Variants in MACROD2 observed in about 807,000 individuals in gnomAD.
MACROD2 encodes ADP-ribose glycohydrolase MACROD2.
In MACROD2, 36 loss-of-function variants were observed where a neutral mutation model predicts 70.4. The ratio of observed to expected loss-of-function variants is 0.51; its 90% CI spans 0.39 to 0.68. The LOEUF is 0.68. Ranked by LOEUF, MACROD2 falls within the 30% of genes least tolerant of loss-of-function variation. MACROD2 has a pLI of 0.00. For missense variants in MACROD2, 496 were observed against 538.4 expected, an observed-to-expected ratio of 0.92 and a Z score of 0.78; for synonymous variants, 172 against 178.8, an observed-to-expected ratio of 0.96 and a Z score of 0.30.
At chr20:14,929,975 C>G (rs1002855303) in intron 5 of MACROD2, among the ~76,000 whole-genome samples, 15 of 152,068 alleles carry the variant, frequency 9.9e-5, no homozygotes, top group Non-Finnish European at 2.2e-4. Flanking sequence ...TCCTGGCTAA[C>G]ACGGTGAAAC....
At chr20:15,891,675 A>G (rs1268502093) in intron 10 of MACROD2, among the ~76,000 whole-genome samples, 1 of 152,220 alleles carries the variant, frequency 6.6e-6, no homozygotes, top group African/African-American at 2.4e-5. Context: ...GTAAATGAAG[A>G]AAAATATTGA....
intron 5 of MACROD2, among the ~76,000 whole-genome samples, chr20:15,227,823 GTTTTT>G (rs59129207): frequency 0.029 from 1,319 of 46,008 alleles, 15 homozygotes; most frequent in Non-Finnish European, 0.037. Flanking sequence ...AATTTCACCT[GTTTTT>G]TTTTTTTTTT....
chr20:14,232,737 T>C (rs1358031981), intron 3 of MACROD2, among the ~76,000 whole-genome samples: 1 of 152,260 alleles, frequency 6.6e-6, no homozygotes, highest in Non-Finnish European at 1.5e-5. Flanking sequence ...GCAATAGGGC[T>C]GTTGCACTTT....
chr20:14,401,147 C>T (rs187591462), intron 3 of MACROD2, among the ~76,000 whole-genome samples: 3 of 152,210 alleles, frequency 2.0e-5, no homozygotes, highest in African/African-American at 4.8e-5. Flanking sequence ...TCTGAGTATA[C>T]GTGTAGTCTA....
chr20:15,827,932 T>C (rs2064014982), intron 8 of MACROD2, among the ~76,000 whole-genome samples: 1 of 152,218 alleles, frequency 6.6e-6, no homozygotes, highest in African/African-American at 2.4e-5. Flanking sequence ...TTCAGCTGGA[T>C]GGTCCAGCTC....
At chr20:15,085,814 T>C (rs386792) in intron 5 of MACROD2, among the ~76,000 whole-genome samples, 19,367 of 151,578 alleles carry the variant, frequency 0.13, 2,019 homozygotes, top group African/African-American at 0.27. Context: ...GTCGATAATA[T>C]ATTCAAAGCA....
At chr20:14,292,987 G>T (rs978133399) in intron 3 of MACROD2, among the ~76,000 whole-genome samples, 3 of 151,860 alleles carry the variant, frequency 2.0e-5, no homozygotes, top group African/African-American at 7.3e-5. Context: ...AAGAACACCT[G>T]CTATGTGCCA....
chr20:15,679,538 G>A (rs2050131575), intron 8 of MACROD2, among the ~76,000 whole-genome samples: 1 of 152,168 alleles, frequency 6.6e-6, no homozygotes, highest in East Asian at 1.9e-4. Context: ...AACAGAATGT[G>A]GCAGAAGTGA....
intron 3 of MACROD2, among the ~76,000 whole-genome samples, chr20:14,091,463 ATAAC>A (rs2054148302): frequency 6.6e-6 from 1 of 152,178 alleles, no homozygotes; most frequent in Non-Finnish European, 1.5e-5. Context: ...ATATTTCAAA[ATAAC>A]TAAGGAAGTA....
At chr20:15,022,029 A>G (rs1196553023) in intron 5 of MACROD2, among the ~76,000 whole-genome samples, 2 of 152,164 alleles carry the variant, frequency 1.3e-5, no homozygotes, top group African/African-American at 4.8e-5. Flanking sequence ...AAATACATAC[A>G]TTTATGTGCC....
intron 5 of MACROD2, among the ~76,000 whole-genome samples, chr20:15,072,460 A>G (rs912617651): frequency 2.0e-5 from 3 of 152,206 alleles, no homozygotes; most frequent in African/African-American, 7.2e-5. Context: ...GAACCAAATG[A>G]ATAAAACTCT....
At chr20:14,216,946 G>A (rs1226832883) in intron 3 of MACROD2, among the ~76,000 whole-genome samples, 1 of 151,992 alleles carries the variant, frequency 6.6e-6, no homozygotes, top group Non-Finnish European at 1.5e-5. Context: ...CAATCATATT[G>A]TCATAAAAAA....
intron 8 of MACROD2, among the ~76,000 whole-genome samples, chr20:15,756,157 C>T (rs909419647): frequency 9.9e-5 from 15 of 152,114 alleles, no homozygotes; most frequent in African/African-American, 2.7e-4. Flanking sequence ...TATGACAGCC[C>T]GCCACTGGTA....
chr20:14,612,673 A>G (rs1283134995), intron 4 of MACROD2, among the ~76,000 whole-genome samples: 1 of 152,084 alleles, frequency 6.6e-6, no homozygotes, highest in East Asian at 1.9e-4. Context: ...GTACATTTTA[A>G]TATGTTTCAT....
intron 3 of MACROD2, among the ~76,000 whole-genome samples, chr20:14,251,824 G>C (rs1428467746): frequency 6.6e-6 from 1 of 152,050 alleles, no homozygotes; most frequent in Non-Finnish European, 1.5e-5. Context: ...AAAAGGTCTA[G>C]AATGGTTAAA....
intron 6 of MACROD2, among the ~76,000 whole-genome samples, chr20:15,409,486 A>G (rs2046047987): frequency 6.6e-6 from 1 of 152,226 alleles, no homozygotes; most frequent in African/African-American, 2.4e-5. Context: ...CATCTGTAAG[A>G]GGATAAAGAT....
At chr20:14,266,840 T>C (rs2082148574) in intron 3 of MACROD2, among the ~76,000 whole-genome samples, 1 of 152,172 alleles carries the variant, frequency 6.6e-6, no homozygotes, top group Non-Finnish European at 1.5e-5. Context: ...TCATTAGTTA[T>C]CAGGTCACCC....
intron 3 of MACROD2, among the ~76,000 whole-genome samples, chr20:14,144,187 A>T (rs1292429760): frequency 2.0e-5 from 3 of 152,162 alleles, no homozygotes; most frequent in African/African-American, 7.2e-5. Context: ...GCATATAAAG[A>T]CATATTTTTT....
At chr20:14,430,354 G>A (rs1459081922) in intron 3 of MACROD2, among the ~76,000 whole-genome samples, 1 of 152,184 alleles carries the variant, frequency 6.6e-6, no homozygotes, top group Non-Finnish European at 1.5e-5. Context: ...GACTGAAAGT[G>A]TGGAGAACAT....
Sources: gnomAD v4.1 joint callset for allele counts (sites outside exome capture counted in the v4.1 genomes callset) on GRCh38, gnomAD v4.1.1 for gene constraint, MANE v1.5 for transcripts, NCBI Gene and HGNC (gene_info 2026-07-23, HGNC 2026-07-21) for gene names.